The following POC1B variants were observed in gnomAD, a reference collection of about 807,000 sequenced individuals.
POC1B encodes POC1 centriolar protein homolog B.
In POC1B, 44 loss-of-function variants were observed where a neutral mutation model predicts 60.6. The observed-to-expected ratio is 0.73, with a 90% CI of 0.57 to 0.93. The LOEUF (loss-of-function observed/expected upper bound fraction) is 0.93, where lower values mean the gene tolerates loss of function less well. Among genes scored for constraint, POC1B ranks in the 40% least tolerant of loss-of-function variants. The pLI, the probability that POC1B is intolerant of heterozygous loss-of-function variation, is 0.00. For missense variants in POC1B, 555 were observed against 572.3 expected (o/e 0.97, Z 0.31); for synonymous variants, 180 against 198.9 (o/e 0.90, Z 0.80).
At chr12:89,498,908 C>A (rs574360111) in intron 2 of POC1B, among the ~76,000 whole-genome samples, 1 of 152,134 alleles carries the variant, frequency 6.6e-6, no homozygotes, top group African/African-American at 2.4e-5. Context: ...TAAACAGATA[C>A]AGAAAACTTT....
intron 2 of POC1B, among the ~76,000 whole-genome samples, chr12:89,518,505 A>C (rs1360670037): frequency 2.0e-5 from 3 of 152,180 alleles, no homozygotes; most frequent in African/African-American, 7.2e-5. Context: ...TTCCTGAGGT[A>C]TTTTTAAAAA....
the POC1B span, among the ~76,000 whole-genome samples, chr12:89,405,849 G>A: frequency 2.0e-5 from 3 of 151,926 alleles, no homozygotes; most frequent in Non-Finnish European, 4.4e-5. Context: ...CAGATACTTG[G>A]GAGGCTGAGA....
At chr12:89,401,822 C>G in the POC1B span, among the ~76,000 whole-genome samples, 2 of 152,222 alleles carry the variant, frequency 1.3e-5, no homozygotes, top group African/African-American at 4.8e-5. Flanking sequence ...TTGTAAGCAA[C>G]TTTGCATGGG....
At chr12:89,495,532 G>T (rs1009151006) in intron 3 of POC1B, among the ~76,000 whole-genome samples, 1 of 152,142 alleles carries the variant, frequency 6.6e-6, no homozygotes, top group African/African-American at 2.4e-5. Context: ...ATTTGGGAGT[G>T]CCTGGGCCTG....
At chr12:89,405,816 G>A in the POC1B span, among the ~76,000 whole-genome samples, 2 of 151,992 alleles carry the variant, frequency 1.3e-5, no homozygotes, top group Admixed American at 6.6e-5. Context: ...TTAGCCAGGT[G>A]TGGTGTCACG....
chr12:89,489,447 G>A lies in POC1B; in HGVS notation c.452+2489C>T, dbSNP rs375927429. On this transcript the variant is annotated intron_variant, in intron 4 of 11. Coordinates refer to ENST00000313546, the MANE Select transcript of POC1B (RefSeq NM_172240.3). The stretch of plus-strand genomic sequence containing the variant: ...GCATATACAGAAATAATTCTGAGAT[G>A]GCTAGAGCCAAAAACTGGCTGAAAC... Among the ~76,000 whole-genome samples the A allele has an allele frequency of 2.0e-5, 3 of 152,284 alleles. No homozygotes were observed. The East Asian group carries it at 5.8e-4, about 29-fold the overall frequency.
chr12:89,421,512 G>A (rs1164338687), intron 11 of POC1B, among the ~76,000 whole-genome samples: 5 of 152,158 alleles, frequency 3.3e-5, no homozygotes, highest in Non-Finnish European at 5.9e-5. Flanking sequence ...AGCAGTGGAA[G>A]ATCAGACCTC....
intron 2 of POC1B, chr12:89,519,480 AAGTC>A (rs1428824835): frequency 3.9e-5 from 6 of 152,446 alleles, no homozygotes; most frequent in Admixed American, 1.3e-4. Context: ...AAAAGGAAAA[AAGTC>A]AGAAACAACT....
intron 10 of POC1B, among the ~76,000 whole-genome samples, chr12:89,454,785 CCTCT>C (rs144348664): frequency 0.025 from 3,775 of 152,226 alleles, 70 homozygotes; most frequent in Non-Finnish European, 0.036. Flanking sequence ...CTGTGAATTG[CCTCT>C]CTCTGACTGG....
chr12:89,500,337 A>G, intron 2 of POC1B: 1 of 1,513,348 alleles, frequency 6.6e-7, no homozygotes, highest in South Asian at 1.1e-5. Context: ...CAGAAATCAC[A>G]TCCAAAGTCA....
intron 7 of POC1B, among the ~76,000 whole-genome samples, chr12:89,469,007 G>C (rs548181961): frequency 6.6e-6 from 1 of 152,308 alleles, no homozygotes; most frequent in East Asian, 1.9e-4. Flanking sequence ...GCTTACACTT[G>C]TAATCCCAGC....
At chr12:89,447,533 G>C (rs974176181) in intron 10 of POC1B, among the ~76,000 whole-genome samples, 1 of 151,992 alleles carries the variant, frequency 6.6e-6, no homozygotes, top group South Asian at 2.1e-4. Flanking sequence ...ATTTTCCAAA[G>C]CATACAATTG....
intron 2 of POC1B, among the ~76,000 whole-genome samples, chr12:89,518,749 A>G (rs537287843): frequency 6.6e-6 from 1 of 152,206 alleles, no homozygotes; most frequent in East Asian, 1.9e-4. Flanking sequence ...TACTCGTGAA[A>G]CTGAAACACA....
Position 89,525,904 on chromosome 12 carries a change from T to G in POC1B, c.-9A>C. On this transcript the variant is annotated 5_prime_UTR_variant, in exon 1 of 12. Transcript: ENST00000313546. ...ACCGTGGCTGAGGCCATCGGGGGAG[T>G]GGTCGGCCCAAGGCTCCTGTGGGTG... is the stretch of plus-strand genomic sequence containing the variant. 2.7e-6 allele frequency: 4 copies of G among 1,461,872 alleles called. No homozygotes were observed. The highest frequency in any genetic ancestry group is 2.3e-5 in the Admixed American group (1 of 42,622). 90.6% of individuals were successfully genotyped at this position (1,461,872 alleles called of 1,614,324 possible). A position where few individuals can be genotyped will look rare whatever the true frequency, so the allele number is the denominator to read the frequency against.
intron 2 of POC1B, among the ~76,000 whole-genome samples, chr12:89,505,114 C>T (rs532488592): frequency 2.0e-4 from 30 of 152,144 alleles, no homozygotes; most frequent in Admixed American, 4.6e-4. Context: ...ATCACGAAAA[C>T]GTAAATTAAA....
intron 2 of POC1B, chr12:89,520,913 G>A (rs1263077037): frequency 6.6e-6 from 1 of 151,986 alleles, no homozygotes; most frequent in Non-Finnish European, 1.5e-5. Context: ...TTTAAAAAAA[G>A]CGTTTACTTC....
chr12:89,459,750 T>C (rs759924391), intron 9 of POC1B, 32 bp from the exon 10 acceptor site: 72 of 1,216,304 alleles, frequency 5.9e-5, no homozygotes, highest in Admixed American at 1.3e-4. Context: ...AATTATGAGA[T>C]TTTCATACCA....
intron 2 of POC1B, chr12:89,500,240 G>T (rs1286510577): frequency 6.4e-7 from 1 of 1,569,580 alleles, no homozygotes; most frequent in African/African-American, 1.3e-5. Context: ...TCTTGCCAAT[G>T]ATTTTAGCAC....
chr12:89,515,261 G>C (rs1427592405), intron 2 of POC1B, among the ~76,000 whole-genome samples: 3 of 151,952 alleles, frequency 2.0e-5, no homozygotes, highest in African/African-American at 7.3e-5. Flanking sequence ...AAATTCAAGT[G>C]GAAACACAGA....
Sources: gnomAD v4.1 joint callset for allele counts (sites outside exome capture counted in the v4.1 genomes callset) on GRCh38, gnomAD v4.1.1 for gene constraint, MANE v1.5 for transcripts, NCBI Gene and HGNC (gene_info 2026-07-23, HGNC 2026-07-21) for gene names.